The following DCC variants were observed in gnomAD, a reference collection of about 807,000 sequenced individuals.
The protein encoded by DCC is DCC netrin 1 receptor, also known as netrin receptor DCC.
A neutral mutation model predicts 172.5 loss-of-function variants in DCC; 58 were observed. The ratio of observed to expected loss-of-function variants is 0.34; its 90% CI spans 0.27 to 0.42. The LOEUF is 0.42. Ranked by LOEUF, DCC falls within the 10% of genes least tolerant of loss-of-function variation. DCC has a pLI of 1.00. For missense variants in DCC, 1,740 were observed against 1,791.0 expected (o/e 0.97, Z 0.51); for synonymous variants, 709 against 644.5 (o/e 1.10, Z -1.52).
intron 1 of DCC, among the ~76,000 whole-genome samples, chr18:52,436,282 G>A (rs896011537): frequency 2.0e-5 from 3 of 152,236 alleles, no homozygotes; most frequent in East Asian, 1.9e-4. Context: ...CTGCTCCCAT[G>A]TTTACGACTT....
chr18:52,610,409 AAAAAGAAAAAG>A (rs2034254193), intron 1 of DCC, among the ~76,000 whole-genome samples: 1 of 132,092 alleles, frequency 7.6e-6, no homozygotes, highest in Admixed American at 7.8e-5. Flanking sequence ...AAAAAAAAAG[AAAAAGAAAAAG>A]AAAAAAAAAA....
At chr18:53,388,692 C>G (rs1412775490) in intron 16 of DCC, among the ~76,000 whole-genome samples, 1 of 152,212 alleles carries the variant, frequency 6.6e-6, no homozygotes, top group Non-Finnish European at 1.5e-5. Flanking sequence ...AAGAAGAAGA[C>G]TAATAAAACA....
At chr18:52,379,556 A>G (rs191288899) in intron 1 of DCC, among the ~76,000 whole-genome samples, 4 of 152,274 alleles carry the variant, frequency 2.6e-5, no homozygotes, top group Admixed American at 2.6e-4. Context: ...TGGCCCTTTA[A>G]TTCACTTTCC....
intron 1 of DCC, among the ~76,000 whole-genome samples, chr18:52,488,680 C>G (rs1017307333): frequency 1.3e-5 from 2 of 152,108 alleles, no homozygotes; most frequent in African/African-American, 4.8e-5. Context: ...ACCCCATAGA[C>G]ACCAAGACTT....
chr18:52,696,326 T>C (rs2036010420), intron 1 of DCC, among the ~76,000 whole-genome samples: 1 of 152,158 alleles, frequency 6.6e-6, no homozygotes. Context: ...CCTTCATTTC[T>C]CCATTTCAAC....
intron 8 of DCC, among the ~76,000 whole-genome samples, chr18:53,172,427 C>A (rs1254830882): frequency 6.6e-6 from 1 of 152,048 alleles, no homozygotes; most frequent in Non-Finnish European, 1.5e-5. Flanking sequence ...ACACAATATA[C>A]CCGTGTAACA....
At chr18:52,512,267 A>C (rs1327479955) in intron 1 of DCC, among the ~76,000 whole-genome samples, 1 of 152,162 alleles carries the variant, frequency 6.6e-6, no homozygotes, top group East Asian at 1.9e-4. Context: ...CAAGTCCTCC[A>C]TCTACATTTC....
At chr18:53,422,283 C>T (rs1408876464) in intron 21 of DCC, among the ~76,000 whole-genome samples, 5 of 152,266 alleles carry the variant, frequency 3.3e-5, no homozygotes, top group Middle Eastern at 6.8e-3. Context: ...AATAAAACTC[C>T]GCCTTTCCCT....
At chr18:52,831,895 G>A (rs1718065745) in intron 2 of DCC, among the ~76,000 whole-genome samples, 1 of 152,048 alleles carries the variant, frequency 6.6e-6, no homozygotes, top group South Asian at 2.1e-4. Context: ...GGTCTATAAA[G>A]GAGTATCTGA....
intron 7 of DCC, among the ~76,000 whole-genome samples, chr18:53,077,083 G>T (rs1328197565): frequency 6.9e-6 from 1 of 144,510 alleles, no homozygotes; most frequent in Non-Finnish European, 1.5e-5. Context: ...GGGATTCAAA[G>T]ATTTTTTTTT....
intron 3 of DCC, among the ~76,000 whole-genome samples, chr18:52,913,361 C>T (rs1391600707): frequency 6.6e-6 from 1 of 152,062 alleles, no homozygotes; most frequent in East Asian, 1.9e-4. Flanking sequence ...TTATTTATTT[C>T]CCAATGCTAT....
chr18:52,341,113 C>T (rs1983613562), intron 1 of DCC, among the ~76,000 whole-genome samples: 1 of 152,170 alleles, frequency 6.6e-6, no homozygotes, highest in African/African-American at 2.4e-5. Flanking sequence ...AAATCTGATG[C>T]TTCACGCATT....
At chr18:52,576,104 G>A (rs2144767544) in intron 1 of DCC, among the ~76,000 whole-genome samples, 1 of 152,250 alleles carries the variant, frequency 6.6e-6, no homozygotes, top group East Asian at 1.9e-4. Context: ...GGTTTAAAAA[G>A]ATCAGTTAAT....
intron 1 of DCC, among the ~76,000 whole-genome samples, chr18:52,692,684 G>A (rs909483928): frequency 2.0e-5 from 3 of 151,994 alleles, no homozygotes; most frequent in East Asian, 3.9e-4. Context: ...CTCCTGCCTT[G>A]GTCTCCCAAA....
intron 1 of DCC, among the ~76,000 whole-genome samples, chr18:52,423,963 T>C (rs1987338526): frequency 2.0e-5 from 3 of 152,154 alleles, no homozygotes; most frequent in African/African-American, 7.2e-5. Context: ...ATAATGTCTC[T>C]AGGACCAAGA....
chr18:52,797,219 C>G (rs1362255173), intron 2 of DCC, among the ~76,000 whole-genome samples: 1 of 152,044 alleles, frequency 6.6e-6, no homozygotes, highest in African/African-American at 2.4e-5. Flanking sequence ...CACTGAATTT[C>G]TCATCATAAA....
At chr18:53,373,804 C>T (rs1376071339) in intron 15 of DCC, among the ~76,000 whole-genome samples, 1 of 152,076 alleles carries the variant, frequency 6.6e-6, no homozygotes, top group Non-Finnish European at 1.5e-5. Flanking sequence ...TTGCCATTGC[C>T]ATGAGGAGAG....
intron 5 of DCC, among the ~76,000 whole-genome samples, chr18:53,004,682 G>T (rs2041618296): frequency 6.8e-6 from 1 of 146,690 alleles, no homozygotes; most frequent in Non-Finnish European, 1.5e-5. Context: ...CTCAAGATCT[G>T]TTTTTGTTTG....
intron 5 of DCC, among the ~76,000 whole-genome samples, chr18:52,947,901 G>A (rs576449834): frequency 6.6e-6 from 1 of 152,280 alleles, no homozygotes; most frequent in Non-Finnish European, 1.5e-5. Context: ...AGTAAGGATA[G>A]CTGGGACATA....
Sources: gnomAD v4.1 joint callset for allele counts (sites outside exome capture counted in the v4.1 genomes callset) on GRCh38, gnomAD v4.1.1 for gene constraint, MANE v1.5 for transcripts, NCBI Gene and HGNC (gene_info 2026-07-23, HGNC 2026-07-21) for gene names.